PAFAH1B1: variants seen among roughly 807,000 people sequenced by gnomAD.
PAFAH1B1 encodes platelet-activating factor acetylhydrolase IB subunit beta.
A neutral mutation model predicts 57.5 loss-of-function variants in PAFAH1B1; 2 were observed. The ratio of observed to expected loss-of-function variants is 0.03; its 90% CI spans 0.01 to 0.11. PAFAH1B1 has a LOEUF of 0.11. PAFAH1B1 is among the 10% of genes least tolerant of loss of function. The probability of loss-of-function intolerance (pLI) is 1.00; values close to 1 mark genes in which losing one functional copy is unlikely to be tolerated. For missense variants in PAFAH1B1, 257 were observed against 512.0 expected (o/e 0.50, Z 4.81); for synonymous variants, 152 against 169.6 (o/e 0.90, Z 0.81).
At chr17:2,599,357 T>C (rs1747512476) in intron 1 of PAFAH1B1, among the ~76,000 whole-genome samples, 1 of 152,222 alleles carries the variant, frequency 6.6e-6, no homozygotes, top group African/African-American at 2.4e-5. Flanking sequence ...CTATAACGAT[T>C]GGACTCCTTA....
intron 2 of PAFAH1B1, among the ~76,000 whole-genome samples, chr17:2,652,661 C>T (rs1231371781): frequency 1.3e-5 from 2 of 152,164 alleles, no homozygotes; most frequent in African/African-American, 4.8e-5. Flanking sequence ...GCGCACTTCA[C>T]GTTGTACATG....
At chr17:2,646,587 G>T (rs2151640879) in intron 2 of PAFAH1B1, among the ~76,000 whole-genome samples, 2 of 152,290 alleles carry the variant, frequency 1.3e-5, no homozygotes, top group East Asian at 3.9e-4. Context: ...GGGAGGTGGA[G>T]GTTGCAGTGA....
intron 1 of PAFAH1B1, among the ~76,000 whole-genome samples, chr17:2,621,260 G>A (rs1165235190): frequency 1.3e-5 from 2 of 152,074 alleles, no homozygotes; most frequent in Non-Finnish European, 2.9e-5. Flanking sequence ...AGTGTGTGTG[G>A]TTTCCCTCTA....
At chr17:2,658,384 G>A (rs1459625831) in intron 2 of PAFAH1B1, among the ~76,000 whole-genome samples, 1 of 152,180 alleles carries the variant, frequency 6.6e-6, no homozygotes, top group Non-Finnish European at 1.5e-5. Context: ...ACTGCCCTCT[G>A]TTTTGTGTTT....
intron 2 of PAFAH1B1, among the ~76,000 whole-genome samples, chr17:2,656,372 C>T (rs890714597): frequency 2.0e-4 from 30 of 151,996 alleles, no homozygotes; most frequent in Non-Finnish European, 2.2e-4. Context: ...ATCCATTGAG[C>T]CCAGGAGCTT....
intron 1 of PAFAH1B1, among the ~76,000 whole-genome samples, chr17:2,627,084 C>T (rs572734758): frequency 6.6e-6 from 1 of 152,300 alleles, no homozygotes; most frequent in South Asian, 2.1e-4. Context: ...CATCCAAAAG[C>T]TCTTCAGTTT....
At chr17:2,618,585 A>T (rs1597523086) in intron 1 of PAFAH1B1, among the ~76,000 whole-genome samples, 1 of 152,208 alleles carries the variant, frequency 6.6e-6, no homozygotes, top group Non-Finnish European at 1.5e-5. Context: ...TTACTTTTTT[A>T]AAAGAAATTA....
intron 1 of PAFAH1B1, among the ~76,000 whole-genome samples, chr17:2,631,855 G>C (rs563267273): frequency 1.3e-5 from 2 of 152,110 alleles, no homozygotes; most frequent in East Asian, 3.8e-4. Context: ...CCTGCTTCCT[G>C]TCTGCCATGA....
At chr17:2,670,378 C>T in intron 6 of PAFAH1B1, 47 bp downstream of exon 6, 3 of 1,471,694 alleles carry the variant, frequency 2.0e-6, no homozygotes, top group Non-Finnish European at 2.9e-6. Context: ...TATCATGGTA[C>T]TTCAGAAGGA....
chr17:2,673,760 A>G (rs1004204374), intron 7 of PAFAH1B1: 15 of 377,116 alleles, frequency 4.0e-5, no homozygotes, highest in African/African-American at 2.9e-4. Flanking sequence ...TACTCAGATT[A>G]GTAGAGCATA....
chr17:2,644,848 A>G (rs1480301111), intron 2 of PAFAH1B1, among the ~76,000 whole-genome samples: 1 of 152,200 alleles, frequency 6.6e-6, no homozygotes, highest in African/African-American at 2.4e-5. Context: ...GCATTATGAT[A>G]TTATGGCCCA....
intron 6 of PAFAH1B1, among the ~76,000 whole-genome samples, chr17:2,671,187 CACTGT>C (rs2069175030): frequency 6.6e-6 from 1 of 151,412 alleles, no homozygotes; most frequent in Admixed American, 6.6e-5. Context: ...CACGCATGAA[CACTGT>C]TTTTTTGTTG....
chr17:2,681,863 GT>G lies in PAFAH1B1; in HGVS notation c.*63del. On this transcript the variant is annotated 3_prime_UTR_variant, in exon 11 of 11. Transcript: ENST00000397195. Reference sequence around the variant, plus strand: ...CTGGATGCACTCTGATGATACCATGGTTACCCCATTGAGCTCTGTTTAAATA... The same window carrying G: ...CTGGATGCACTCTGATGATACCATGGTACCCCATTGAGCTCTGTTTAAATA... The G allele has an allele frequency of 8.4e-7, 1 of 1,191,928 alleles. No individual in the cohort carries two copies. The highest frequency in any genetic ancestry group is 2.4e-5 in the East Asian group (1 of 42,436). The allele number at this position is 1,191,928 out of a possible 1,614,324, so 73.8% of individuals were successfully genotyped here.
intron 1 of PAFAH1B1, among the ~76,000 whole-genome samples, chr17:2,612,999 G>T (rs569012719): frequency 3.0e-5 from 4 of 134,548 alleles, no homozygotes; most frequent in East Asian, 2.3e-4. Context: ...AAAATGTTTT[G>T]TAAAATAATT....
rs1305255956 is a variant in PAFAH1B1 at position 2,684,654 on chromosome 17, C to T, written c.*2852C>T. The T allele has an allele frequency of 6.5e-6, 1 of 152,690 alleles. No individual in the cohort carries two copies. The allele number at this position is 152,690 out of a possible 1,614,324, so 9.5% of individuals were successfully genotyped here. On this transcript the variant is annotated 3_prime_UTR_variant, in exon 11 of 11. Transcript: ENST00000397195. ...TAGACACCGCGTGGAGCCTAGTTGCCTGTTGTCACGGCATCTTGCACTTTA... is the reference window on the plus strand; with the variant it reads ...TAGACACCGCGTGGAGCCTAGTTGCTTGTTGTCACGGCATCTTGCACTTTA...
At chr17:2,612,117 T>C (rs2068273921) in intron 1 of PAFAH1B1, among the ~76,000 whole-genome samples, 1 of 152,164 alleles carries the variant, frequency 6.6e-6, no homozygotes, top group African/African-American at 2.4e-5. Context: ...AGGTATTTTA[T>C]TTTTTGCCAA....
intron 1 of PAFAH1B1, chr17:2,635,605 A>T (rs1038654636): frequency 1.3e-5 from 2 of 152,232 alleles, no homozygotes; most frequent in Non-Finnish European, 2.9e-5. Context: ...GGCTCAAGCA[A>T]TCCTTCCACC....
At chr17:2,616,484 C>A (rs2068342428) in intron 1 of PAFAH1B1, among the ~76,000 whole-genome samples, 1 of 152,138 alleles carries the variant, frequency 6.6e-6, no homozygotes, top group Non-Finnish European at 1.5e-5. Flanking sequence ...AGTCCAAACG[C>A]AGTCTTTTGG....
chr17:2,681,564 A>T (rs1280313014), intron 10 of PAFAH1B1, 165 bp from the exon 11 acceptor site: 12 of 604,710 alleles, frequency 2.0e-5, no homozygotes, highest in Non-Finnish European at 3.3e-5. Flanking sequence ...TTCCCAGCTC[A>T]AACAGTTCTG....
Sources: gnomAD v4.1 joint callset for allele counts (sites outside exome capture counted in the v4.1 genomes callset) on GRCh38, gnomAD v4.1.1 for gene constraint, MANE v1.5 for transcripts, NCBI Gene and HGNC (gene_info 2026-07-23, HGNC 2026-07-21) for gene names.